ITSN1: variants seen among roughly 807,000 people sequenced by gnomAD.
ITSN1 encodes intersectin 1.
In ITSN1, 58 loss-of-function variants were observed where a neutral mutation model predicts 239.8. The observed-to-expected ratio is 0.24, with a 90% CI of 0.20 to 0.30. ITSN1 has a LOEUF of 0.30. Among genes scored for constraint, ITSN1 ranks in the 10% least tolerant of loss-of-function variants. ITSN1 has a pLI of 1.00. For synonymous variants in ITSN1, 780 were observed against 770.8 expected, an observed-to-expected ratio of 1.01 and a Z score of -0.20; for missense variants, 1,558 against 2,103.3, an observed-to-expected ratio of 0.74 and a Z score of 5.07.
intron 1 of ITSN1, among the ~76,000 whole-genome samples, chr21:33,659,751 C>A (rs1414854701): frequency 1.6e-5 from 2 of 127,874 alleles, no homozygotes; most frequent in African/African-American, 5.9e-5. Context: ...CTTGCTGTGT[C>A]ACCCAGGCTG....
chr21:33,745,563 T>C (rs2067129933), intron 5 of ITSN1, among the ~76,000 whole-genome samples: 1 of 152,218 alleles, frequency 6.6e-6, no homozygotes, highest in South Asian at 2.1e-4. Flanking sequence ...TGTTGCATTC[T>C]TTCCTGGGCA....
chr21:33,757,888 T>A (rs1039697232), intron 8 of ITSN1, among the ~76,000 whole-genome samples: 7 of 152,038 alleles, frequency 4.6e-5, no homozygotes, highest in African/African-American at 1.7e-4. Context: ...CTTTTCTTTC[T>A]TTTTTTGAAA....
intron 1 of ITSN1, among the ~76,000 whole-genome samples, chr21:33,671,535 G>A (rs2090280318): frequency 6.6e-6 from 1 of 152,186 alleles, no homozygotes; most frequent in Admixed American, 6.5e-5. Context: ...GGGATTACAG[G>A]TGTGAGCCGC....
At chr21:33,787,889 C>T (rs2147953226) in intron 16 of ITSN1, among the ~76,000 whole-genome samples, 1 of 152,224 alleles carries the variant, frequency 6.6e-6, no homozygotes, top group Non-Finnish European at 1.5e-5. Flanking sequence ...TTGGAAAAGA[C>T]CTCTTATGCA....
At chr21:33,713,304 A>T (rs2092467793) in intron 1 of ITSN1, among the ~76,000 whole-genome samples, 1 of 151,870 alleles carries the variant, frequency 6.6e-6, no homozygotes, top group South Asian at 2.1e-4. Context: ...CGGTGGCACG[A>T]TCTAGGCTCA....
chr21:33,862,477 G>A (rs1253434852), intron 31 of ITSN1, among the ~76,000 whole-genome samples: 1 of 152,172 alleles, frequency 6.6e-6, no homozygotes, highest in Non-Finnish European at 1.5e-5. Context: ...AAGGATGTGG[G>A]GTTGGGAGAA....
At chr21:33,658,543 C>T (rs930916982) in intron 1 of ITSN1, among the ~76,000 whole-genome samples, 9 of 152,138 alleles carry the variant, frequency 5.9e-5, no homozygotes, top group Non-Finnish European at 7.3e-5. Flanking sequence ...AGAAAAGGCA[C>T]GGTAAAAATA....
At chr21:33,887,307 A>T (rs1985946358) in intron 39 of ITSN1, among the ~76,000 whole-genome samples, 1 of 132,964 alleles carries the variant, frequency 7.5e-6, no homozygotes, top group Admixed American at 7.6e-5. Flanking sequence ...CAACAGAGCA[A>T]GATCCTGTCT....
chr21:33,849,941 A>G (rs2075106540), intron 29 of ITSN1, among the ~76,000 whole-genome samples: 1 of 152,184 alleles, frequency 6.6e-6, no homozygotes, highest in South Asian at 2.1e-4. Context: ...ACTACAGGAG[A>G]GGGCACAGTG....
chr21:33,888,279 G>A lies in ITSN1; in HGVS notation c.5145G>A (p.Leu1715=), dbSNP rs1986093876. ...PTGEIVVRLD[L]QLFDEP is the part of the protein sequence containing the mutation. ...GAGAGATTGTGGTCCGCTTGGACCT[G>A]CAGTTGTTTGATGAGCCGTAGGCAG... is the stretch of plus-strand genomic sequence containing the variant. Residue 1715 remains leucine, a synonymous_variant, in exon 40 of 40, where the codon CTG becomes CTA. Coordinates refer to ENST00000381318, the MANE Select transcript of ITSN1 (RefSeq NM_003024.3). 2 of 1,613,630 alleles carry A rather than the reference G, an allele frequency of 1.2e-6. No homozygotes were observed. The highest frequency in any genetic ancestry group is 1.1e-5 in the South Asian group (1 of 91,038).
intron 25 of ITSN1, among the ~76,000 whole-genome samples, chr21:33,825,498 G>GGTCTGGGGCACA (rs1420549773): frequency 2.0e-5 from 3 of 152,198 alleles, no homozygotes; most frequent in African/African-American, 7.2e-5. Context: ...TGTATGGGCA[G>GGTCTGGGGCACA]GTCTGGGGCA....
intron 1 of ITSN1, among the ~76,000 whole-genome samples, chr21:33,684,075 A>G (rs2091113736): frequency 1.3e-5 from 2 of 152,162 alleles, no homozygotes; most frequent in South Asian, 4.1e-4. Context: ...TTCCCATGCT[A>G]TGTTTTATTT....
chr21:33,858,932 A>G, intron 31 of ITSN1, 140 bp downstream of exon 31: 1 of 522,916 alleles, frequency 1.9e-6, no homozygotes, highest in Non-Finnish European at 3.4e-6. Context: ...ATTGCCACTC[A>G]CAAACACCAT....
intron 19 of ITSN1, among the ~76,000 whole-genome samples, chr21:33,801,460 A>G (rs1466664340): frequency 6.6e-6 from 1 of 151,914 alleles, no homozygotes; most frequent in East Asian, 1.9e-4. Flanking sequence ...CAAACATCCC[A>G]AATTATTTTT....
In ITSN1 at chr21:33,836,509, C is replaced by G; in HGVS notation, c.3538C>G (p.Gln1180Glu). 1.2e-6 allele frequency: 2 copies of G among 1,614,090 alleles called. No homozygotes were observed. Among genetic ancestry groups the G allele is most frequent in the Non-Finnish European group, 1.7e-6 (2 of 1,179,982 alleles). ...CGATGAGCTGGCCTTCAACAAGGGCCAGATCATCAACGTCCTCAACAAGGA... is the reference window on the plus strand; with the variant it reads ...CGATGAGCTGGCCTTCAACAAGGGCGAGATCATCAACGTCCTCAACAAGGA... ...NDDELAFNKG[Q>E]IINVLNKEDP... The change falls in exon 29 of 40, where the codon CAG (glutamine) becomes GAG (glutamate). Residue 1180 changes from glutamine to glutamate, a missense_variant. Gln to Glu is a conservative substitution (Grantham distance 29, BLOSUM62 2). This residue lies in a region of ITSN1 where 576 missense variants were observed against 893.3 expected (regional missense o/e 0.64). Transcript: ENST00000381318.
rs1159806267 is a variant in ITSN1 at position 33,649,899 on chromosome 21, C to T, written c.-33+7186C>T. On this transcript the variant is annotated intron_variant, in intron 1 of 39. Coordinates refer to ENST00000381318, the MANE Select transcript of ITSN1 (RefSeq NM_003024.3). ...GGCGTGGTGGCGCACAAGTGTAATC[C>T]CAGCTACTTGGGAGGCTGAAGCAGG... Among the ~76,000 whole-genome samples the T allele has an allele frequency of 5.3e-5, 8 of 151,738 alleles. 1 individual carries two copies. In the South Asian group the frequency reaches 1.7e-3, roughly 32 times the overall value.
chr21:33,749,917 G>A (rs2067435759), intron 5 of ITSN1, among the ~76,000 whole-genome samples: 1 of 152,008 alleles, frequency 6.6e-6, no homozygotes, highest in African/African-American at 2.4e-5. Context: ...TATTCTTTTT[G>A]ATTCTCATCT....
intron 20 of ITSN1, among the ~76,000 whole-genome samples, chr21:33,807,586 A>G (rs924412942): frequency 6.6e-6 from 1 of 152,284 alleles, no homozygotes; most frequent in East Asian, 1.9e-4. Context: ...GGCTTCCAGA[A>G]GTGCTGGGAT....
At chr21:33,767,616 G>A (rs2147734127) in intron 10 of ITSN1, 97 bp from the exon 11 acceptor site, 1 of 552,126 alleles carries the variant, frequency 1.8e-6, no homozygotes, top group Non-Finnish European at 3.2e-6. Flanking sequence ...TTGCTCCATG[G>A]CATGGTAAAA....
Sources: allele counts gnomAD v4.1 joint callset (sites outside exome capture counted in the v4.1 genomes callset), GRCh38; gene constraint gnomAD v4.1.1; regional missense constraint gnomAD v4.1.1; transcripts MANE v1.5; gene names NCBI Gene and HGNC (gene_info 2026-07-23, HGNC 2026-07-21).